LRRC43: variants seen among roughly 807,000 people sequenced by gnomAD.
LRRC43 encodes leucine-rich repeat-containing protein 43.
In LRRC43, 62 loss-of-function variants were observed where a neutral mutation model predicts 64.3. The ratio of observed to expected loss-of-function variants is 0.96; its 90% CI spans 0.79 to 1.19. The LOEUF (loss-of-function observed/expected upper bound fraction) is 1.19. LRRC43 is among the 50% of genes most tolerant of loss of function. The probability of loss-of-function intolerance (pLI) is 0.00; values close to 1 mark genes in which losing one functional copy is unlikely to be tolerated. For synonymous variants in LRRC43, 422 were observed against 382.3 expected, an observed-to-expected ratio of 1.10 and a Z score of -1.21; for missense variants, 868 against 845.0, an observed-to-expected ratio of 1.03 and a Z score of -0.34.
chr12:122,178,354 C>T (rs749287745), upstream of LRRC43, among the ~76,000 whole-genome samples: 27 of 152,070 alleles, frequency 1.8e-4, no homozygotes, highest in Non-Finnish European at 3.4e-4. Context: ...CCCTTTTGCC[C>T]CTCTCCCTAG....
At chr12:122,181,942 G>C (rs980533714), upstream of LRRC43, among the ~76,000 whole-genome samples, 7 of 151,906 alleles carry the variant, frequency 4.6e-5, no homozygotes, top group Admixed American at 6.6e-5. Context: ...TCCCGATATC[G>C]TATAGTCAAA....
At chr12:122,192,240 G>T (rs567451207) in intron 6 of LRRC43, among the ~76,000 whole-genome samples, 3 of 152,136 alleles carry the variant, frequency 2.0e-5, no homozygotes, top group Non-Finnish European at 4.4e-5. Flanking sequence ...GGGTTCAAGT[G>T]ATTCTCCTGC....
At chr12:122,185,432 C>T (rs1021229419) in intron 2 of LRRC43, among the ~76,000 whole-genome samples, 6 of 152,236 alleles carry the variant, frequency 3.9e-5, no homozygotes, top group South Asian at 2.1e-4. Flanking sequence ...ATGATCGCAC[C>T]GCTGCACTCC....
intron 1 of LRRC43, chr12:122,172,836 C>T (rs7977932): frequency 1.1e-6 from 1 of 944,536 alleles, no homozygotes; most frequent in Non-Finnish European, 1.6e-6. Context: ...TAACCCGCCT[C>T]GTTGATATAT....
At chr12:122,197,967 G>A (rs767826777) in intron 7 of LRRC43, among the ~76,000 whole-genome samples, 2 of 151,846 alleles carry the variant, frequency 1.3e-5, no homozygotes, top group Non-Finnish European at 2.9e-5. Context: ...AACCTGAGAA[G>A]TACAATTTTT....
rs370251743 is a variant in LRRC43, at chr12:122,184,677, A to T, written c.309A>T (p.Ala103=). The T allele has an allele frequency of 6.2e-7, 1 of 1,614,022 alleles. No individual in the cohort carries two copies. Among genetic ancestry groups the T allele is most frequent in the African/African-American group, 1.3e-5 (1 of 75,044 alleles). The stretch of plus-strand genomic sequence containing the variant: ...GGGCTCTGCTGAACAACTCGAATGC[A>T]GAAGACAGTTTCCTGAGAGAATTGG... ...SPWALLNNSN[A]EDSFLRELAI... is the part of the protein sequence containing the mutation. Residue 103 remains alanine, a synonymous_variant, in exon 2 of 12, where the codon GCA becomes GCT. Transcript: ENST00000339777. The surrounding 1 kb of genome is among the most constrained non-coding windows in gnomAD (Gnocchi z 4.0).
chr12:122,168,479 G>T (rs1002700740), intron 1 of LRRC43, among the ~76,000 whole-genome samples: 4 of 151,456 alleles, frequency 2.6e-5, no homozygotes, highest in Non-Finnish European at 4.4e-5. Context: ...CACCATGTTG[G>T]GATCTCGCCA....
upstream of LRRC43, among the ~76,000 whole-genome samples, chr12:122,179,410 C>G (rs1953563690): frequency 6.6e-6 from 1 of 152,192 alleles, no homozygotes; most frequent in Admixed American, 6.6e-5. Context: ...CGGCCTGATT[C>G]AGCTTTTGAC....
intron 7 of LRRC43, among the ~76,000 whole-genome samples, chr12:122,198,764 G>A (rs1826371577): frequency 6.7e-6 from 1 of 148,512 alleles, no homozygotes; most frequent in Non-Finnish European, 1.5e-5. Context: ...CAAGTAGCTG[G>A]GCTTACAGGC....
chr12:122,192,021 G>C (rs1366296180), intron 6 of LRRC43, among the ~76,000 whole-genome samples: 1 of 152,136 alleles, frequency 6.6e-6, no homozygotes, highest in African/African-American at 2.4e-5. Context: ...CTTGCAGCTA[G>C]AGCAATTTTC....
At chr12:122,188,095 A>T (rs1953667703) in intron 4 of LRRC43, among the ~76,000 whole-genome samples, 3 of 152,096 alleles carry the variant, frequency 2.0e-5, no homozygotes, top group Admixed American at 1.3e-4. Context: ...TTAATTTTTT[A>T]ATTTTTTTAT....
At chr12:122,192,198 C>T (rs147745268) in intron 6 of LRRC43, among the ~76,000 whole-genome samples, 2,062 of 152,188 alleles carry the variant, frequency 0.014, 42 homozygotes, top group African/African-American at 0.047. Flanking sequence ...AGTGCAGTGG[C>T]GCAATCTCGG....
intron 7 of LRRC43, among the ~76,000 whole-genome samples, chr12:122,195,430 G>A (rs753368028): frequency 5.9e-5 from 9 of 152,026 alleles, no homozygotes; most frequent in South Asian, 2.1e-4. Flanking sequence ...TAGTTGAGGC[G>A]GGGTTTCACA....
At chr12:122,174,244 G>A in intron 1 of LRRC43, 5 of 1,564,006 alleles carry the variant, frequency 3.2e-6, no homozygotes, top group Non-Finnish European at 4.4e-6. Flanking sequence ...CTGCCTGGAG[G>A]TATATAAAGG....
At chr12:122,172,442 C>T (rs772266797) in intron 1 of LRRC43, 2 of 1,613,902 alleles carry the variant, frequency 1.2e-6, no homozygotes, top group South Asian at 2.2e-5. Context: ...CTCCAGAGGT[C>T]AATGATTTTA....
At chr12:122,187,639 G>A (rs1483186970) in intron 3 of LRRC43, 62 bp from the exon 4 acceptor site, 22 of 1,533,436 alleles carry the variant, frequency 1.4e-5, no homozygotes, top group Non-Finnish European at 1.9e-5. Flanking sequence ...AGAGGGGAGG[G>A]GCCTGATCCT....
At chr12:122,173,608 C>T (rs1383241205) in intron 1 of LRRC43, among the ~76,000 whole-genome samples, 2 of 151,678 alleles carry the variant, frequency 1.3e-5, no homozygotes, top group African/African-American at 4.8e-5. Flanking sequence ...CGCTTGAACC[C>T]AGGAAGCAGA....
chr12:122,199,150 G>A (rs1052339799), intron 7 of LRRC43, among the ~76,000 whole-genome samples: 1 of 151,402 alleles, frequency 6.6e-6, no homozygotes, highest in African/African-American at 2.4e-5. Flanking sequence ...GATCCAATTG[G>A]TAGAACAATT....
chr12:122,191,664 T>G lies in LRRC43; in HGVS notation c.1089+97T>G, dbSNP rs1400840474. 4.1e-6 allele frequency: 4 copies of G among 979,750 alleles called. No individual in the cohort carries two copies. In the East Asian group the frequency reaches 8.3e-5, roughly 20 times the overall value. 60.7% of individuals were successfully genotyped at this position (979,750 alleles called of 1,614,324 possible). A position where few individuals can be genotyped will look rare whatever the true frequency, so the allele number is the denominator to read the frequency against. ...AAATCCTTTTAATTAATTAATTAAT[T>G]TATTTATTGAGGAGGAGTCTCGCTC... On this transcript the variant is annotated intron_variant, in intron 6 of 11. Coordinates refer to ENST00000339777, the MANE Select transcript of LRRC43 (RefSeq NM_001098519.2).
Sources: gnomAD v4.1 joint callset for allele counts (sites outside exome capture counted in the v4.1 genomes callset) on GRCh38, gnomAD v4.1.1 for gene constraint, Gnocchi (gnomAD v3.1) non-coding constraint, MANE v1.5 for transcripts, NCBI Gene and HGNC (gene_info 2026-07-23, HGNC 2026-07-21) for gene names.